ADAMTS17: variants seen among roughly 807,000 people sequenced by gnomAD.
ADAMTS17 encodes the protein ADAM metallopeptidase with thrombospondin type 1 motif 17.
A neutral mutation model predicts 141.5 loss-of-function variants in ADAMTS17; 113 were observed. That is an observed-to-expected ratio of 0.80 (90% CI 0.69 to 0.93). ADAMTS17 has a LOEUF of 0.93. Ranked by LOEUF, ADAMTS17 falls within the 40% of genes least tolerant of loss-of-function variation. The pLI, the probability that ADAMTS17 is intolerant of heterozygous loss-of-function variation, is 0.00. For synonymous variants in ADAMTS17, 768 were observed against 630.6 expected, an observed-to-expected ratio of 1.22 and a Z score of -3.27; for missense variants, 1,659 against 1,517.9, an observed-to-expected ratio of 1.09 and a Z score of -1.54.
intron 10 of ADAMTS17, among the ~76,000 whole-genome samples, chr15:100,147,853 T>C (rs870196): frequency 0.22 from 33,042 of 152,284 alleles, 3,706 homozygotes; most frequent in African/African-American, 0.26. Flanking sequence ...AATTCTCTTA[T>C]AGTTCTGGAT....
chr15:100,326,751 C>T (rs2045913043), intron 3 of ADAMTS17, among the ~76,000 whole-genome samples: 1 of 152,192 alleles, frequency 6.6e-6, no homozygotes, highest in Non-Finnish European at 1.5e-5. Flanking sequence ...CCAATCCAAG[C>T]CAACCCACTT....
intron 8 of ADAMTS17, among the ~76,000 whole-genome samples, chr15:100,156,244 C>T (rs1444842503): frequency 6.6e-6 from 1 of 152,170 alleles, no homozygotes; most frequent in African/African-American, 2.4e-5. Context: ...CCATGTTTTC[C>T]TAGTTTGCTC....
rs143325151 is a variant in ADAMTS17 at position 100,294,541 on chromosome 15, C to T, written c.617-13140G>A. On this transcript the variant is annotated intron_variant, in intron 3 of 21. Coordinates refer to ENST00000268070, the MANE Select transcript of ADAMTS17 (RefSeq NM_139057.4). ...CCCAAGCCTAGGAGTTTGAGACCAG[C>T]GTGGGCAAAAAAAAAAAAAAGCTGG... 2.4e-4 allele frequency among the ~76,000 whole-genome samples: 35 copies of T among 148,606 alleles called. No individual in the cohort carries two copies. In the East Asian group the frequency reaches 5.6e-3, roughly 24 times the overall value.
intron 3 of ADAMTS17, among the ~76,000 whole-genome samples, chr15:100,309,236 C>T (rs2045325922): frequency 6.6e-6 from 1 of 152,210 alleles, no homozygotes; most frequent in South Asian, 2.1e-4. Flanking sequence ...CACCTCTGAA[C>T]CCAGGTACTC....
chr15:100,184,999 C>A (rs1203204395), intron 8 of ADAMTS17, among the ~76,000 whole-genome samples: 1 of 152,226 alleles, frequency 6.6e-6, no homozygotes, highest in Non-Finnish European at 1.5e-5. Context: ...AGTGACCATT[C>A]TATTTTCCTG....
rs911220511 is a variant in ADAMTS17, at chr15:99,973,032, G to A, written c.*1370C>T. 1.3e-5 allele frequency: 2 copies of A among 152,154 alleles called. No individual in the cohort carries two copies. The highest frequency in any genetic ancestry group is 3.9e-4 in the East Asian group (2 of 5,176). The allele number at this position is 152,154 out of a possible 1,614,324, so 9.4% of individuals were successfully genotyped here. ...CCCATGAAATGCCCACCAAGTTGGT[G>A]AGCAAAACAGGCCTCCTGGCATCTA... On this transcript the variant is annotated 3_prime_UTR_variant, in exon 22 of 22. Transcript: ENST00000268070.
intron 4 of ADAMTS17, among the ~76,000 whole-genome samples, chr15:100,267,373 T>A (rs1248217661): frequency 6.6e-6 from 1 of 152,184 alleles, no homozygotes; most frequent in Non-Finnish European, 1.5e-5. Flanking sequence ...TATCTGCCCA[T>A]CTGCCAATGG....
rs759124452 is a variant in ADAMTS17, at chr15:100,261,594, T to C, written c.916A>G (p.Ser306Gly). The C allele has an allele frequency of 1.2e-6, 2 of 1,613,814 alleles. No individual in the cohort carries two copies. The highest frequency in any genetic ancestry group is 4.5e-5 in the East Asian group (2 of 44,886). The change falls in exon 6 of 22, where the codon AGC (serine) becomes GGC (glycine). Residue 306 changes from serine (S) to glycine (G), a missense_variant. Physicochemically the swap from Ser to Gly is moderately conservative, Grantham distance 56. Transcript: ENST00000268070. ...IGHHGERSLE[S>G]FCHWQNEEYG... The stretch of plus-strand genomic sequence containing the variant: ...TCCTCGTTCTGCCAGTGACAGAAGC[T>C]CTCCAGGGACCGCTCACCATGGTGC...
At chr15:100,208,531 G>C (rs942781555) in intron 7 of ADAMTS17, among the ~76,000 whole-genome samples, 1 of 152,166 alleles carries the variant, frequency 6.6e-6, no homozygotes, top group Non-Finnish European at 1.5e-5. Flanking sequence ...AGTCAGGTCA[G>C]TGTTACCCCA....
At chr15:100,240,167 G>A (rs558667831) in intron 7 of ADAMTS17, among the ~76,000 whole-genome samples, 51 of 152,336 alleles carry the variant, frequency 3.3e-4, no homozygotes, top group Non-Finnish European at 6.6e-4. Flanking sequence ...CCTAAGGCTA[G>A]CTCTGGGCCC....
chr15:100,322,011 T>G (rs954928177), intron 3 of ADAMTS17, among the ~76,000 whole-genome samples: 5 of 152,124 alleles, frequency 3.3e-5, no homozygotes, highest in Admixed American at 6.5e-5. Flanking sequence ...CATACGGAAT[T>G]CAGTATGCTC....
intron 13 of ADAMTS17, among the ~76,000 whole-genome samples, chr15:100,115,772 T>C (rs1429337045): frequency 6.6e-6 from 1 of 152,196 alleles, no homozygotes; most frequent in Non-Finnish European, 1.5e-5. Flanking sequence ...CTTTTGAGGC[T>C]GTCTAAAAAT....
intron 3 of ADAMTS17, among the ~76,000 whole-genome samples, chr15:100,303,154 T>C (rs1423012717): frequency 6.9e-6 from 1 of 145,184 alleles, no homozygotes; most frequent in Non-Finnish European, 1.5e-5. Context: ...ATATAAACTA[T>C]ATATAAAAAT....
intron 3 of ADAMTS17, among the ~76,000 whole-genome samples, chr15:100,281,824 G>T (rs76521448): frequency 0.019 from 2,888 of 152,218 alleles, 77 homozygotes; most frequent in African/African-American, 0.065. Context: ...GAGGGGACAG[G>T]ACACTCCCCT....
At chr15:100,225,749 T>G (rs56258365) in intron 7 of ADAMTS17, among the ~76,000 whole-genome samples, 11 of 136,798 alleles carry the variant, frequency 8.0e-5, no homozygotes, top group Admixed American at 2.3e-4. Flanking sequence ...TCAGTCCTTA[T>G]AGCAGTCATA....
chr15:100,180,408 T>G (rs1038876798), intron 8 of ADAMTS17, among the ~76,000 whole-genome samples: 3 of 152,226 alleles, frequency 2.0e-5, no homozygotes, highest in African/African-American at 7.2e-5. Context: ...CCCATGCCAT[T>G]TTGGTTACTA....
chr15:100,150,690 C>T (rs1300244960), intron 10 of ADAMTS17, among the ~76,000 whole-genome samples: 1 of 152,156 alleles, frequency 6.6e-6, no homozygotes, highest in East Asian at 1.9e-4. Context: ...CACACTTAAT[C>T]CTGCCCTGTA....
chr15:100,212,926 C>G (rs376022112), intron 7 of ADAMTS17, among the ~76,000 whole-genome samples: 8 of 151,772 alleles, frequency 5.3e-5, no homozygotes, highest in Admixed American at 1.3e-4. Flanking sequence ...ATCAGGTGCA[C>G]GCATTTAATT....
chr15:100,063,771 A>G (rs1361227278), intron 15 of ADAMTS17: 39 of 1,289,518 alleles, frequency 3.0e-5, no homozygotes, highest in Non-Finnish European at 3.9e-5. Context: ...TGTAGCAACA[A>G]ACGACACAGA....
Sources: allele counts gnomAD v4.1 joint callset (sites outside exome capture counted in the v4.1 genomes callset), GRCh38; gene constraint gnomAD v4.1.1; transcripts MANE v1.5; gene names NCBI Gene and HGNC (gene_info 2026-07-23, HGNC 2026-07-21).